CAMK2D: variants seen among roughly 807,000 people sequenced by gnomAD.
CAMK2D encodes the protein calcium/calmodulin dependent protein kinase II delta, also known as calcium/calmodulin-dependent protein kinase type II subunit delta.
A neutral mutation model predicts 84.0 loss-of-function variants in CAMK2D; 37 were observed. The ratio of observed to expected loss-of-function variants is 0.44; its 90% CI spans 0.34 to 0.58. CAMK2D has a LOEUF of 0.58. Among genes scored for constraint, CAMK2D ranks in the 20% least tolerant of loss-of-function variants. The pLI is 0.02. For missense variants in CAMK2D, 448 were observed against 652.5 expected (o/e 0.69, Z 3.41); for synonymous variants, 202 against 212.5 (o/e 0.95, Z 0.43).
chr4:113,753,027 A>G (rs545338430), intron 2 of CAMK2D, among the ~76,000 whole-genome samples: 31 of 152,210 alleles, frequency 2.0e-4, no homozygotes, highest in Non-Finnish European at 4.3e-4. Flanking sequence ...AGTCCTCTCT[A>G]ATAGCAATCA....
In CAMK2D at chr4:113,750,323, G is replaced by A. The variant is rs371293382; in HGVS notation, c.160+8997C>T. 4.6e-5 allele frequency among the ~76,000 whole-genome samples: 7 copies of A among 152,242 alleles called. No individual in the cohort carries two copies. In the South Asian group the frequency reaches 1.0e-3, roughly 23 times the overall value. On this transcript the variant is annotated intron_variant, in intron 2 of 20. Transcript: ENST00000511664. ...GTGTACTCACTCCATCAGGAAGATG[G>A]AGCAGGAACTTTCTCCCTCCCTGTG...
At chr4:113,495,919 A>T (rs1461267159) in intron 16 of CAMK2D, among the ~76,000 whole-genome samples, 1 of 152,194 alleles carries the variant, frequency 6.6e-6, no homozygotes, top group East Asian at 1.9e-4. Context: ...CAGGAGCCCA[A>T]CTTCAACAGG....
intron 4 of CAMK2D, among the ~76,000 whole-genome samples, chr4:113,573,254 T>G (rs1339981307): frequency 6.6e-6 from 1 of 152,186 alleles, no homozygotes; most frequent in Non-Finnish European, 1.5e-5. Flanking sequence ...CACACATACA[T>G]GCACATACAC....
intron 2 of CAMK2D, among the ~76,000 whole-genome samples, chr4:113,670,487 T>G (rs1368984909): frequency 1.3e-5 from 2 of 152,038 alleles, no homozygotes; most frequent in African/African-American, 2.4e-5. Flanking sequence ...CATATAAAAT[T>G]ATTCCAATTA....
chr4:113,696,775 T>C (rs2099404141), intron 2 of CAMK2D, among the ~76,000 whole-genome samples: 1 of 152,134 alleles, frequency 6.6e-6, no homozygotes, highest in South Asian at 2.1e-4. Flanking sequence ...TCTTTCATTC[T>C]TTCCCAGAGG....
chr4:113,559,752 T>A (rs2098689581), intron 4 of CAMK2D, among the ~76,000 whole-genome samples: 1 of 152,230 alleles, frequency 6.6e-6, no homozygotes, highest in African/African-American at 2.4e-5. Context: ...GCTTTGGTCA[T>A]CAGAAAAATG....
At chr4:113,655,983 C>G (rs1462897367) in intron 3 of CAMK2D, among the ~76,000 whole-genome samples, 1 of 152,086 alleles carries the variant, frequency 6.6e-6, no homozygotes, top group Non-Finnish European at 1.5e-5. Flanking sequence ...GCTATCACCT[C>G]AAATATTTTA....
At chr4:113,625,792 G>C (rs1325098524) in intron 3 of CAMK2D, among the ~76,000 whole-genome samples, 6 of 152,066 alleles carry the variant, frequency 3.9e-5, no homozygotes, top group African/African-American at 1.4e-4. Flanking sequence ...GATATGCTCT[G>C]CTTGTTTTAA....
chr4:113,558,496 A>G (rs1260382583), intron 4 of CAMK2D, among the ~76,000 whole-genome samples: 1 of 152,208 alleles, frequency 6.6e-6, no homozygotes, highest in Non-Finnish European at 1.5e-5. Flanking sequence ...ATAGTATTCA[A>G]AAATAAATAA....
chr4:113,690,323 C>T (rs547339315), intron 2 of CAMK2D, among the ~76,000 whole-genome samples: 1 of 152,122 alleles, frequency 6.6e-6, no homozygotes, highest in African/African-American at 2.4e-5. Flanking sequence ...ACTACTCGGA[C>T]CAATAATACA....
chr4:113,619,083 C>T (rs1477452221), intron 3 of CAMK2D, among the ~76,000 whole-genome samples: 1 of 152,118 alleles, frequency 6.6e-6, no homozygotes. Context: ...TGATCGTCCC[C>T]CTAAAACCTG....
chr4:113,583,826 G>A (rs766038805), intron 4 of CAMK2D, among the ~76,000 whole-genome samples: 15 of 151,988 alleles, frequency 9.9e-5, no homozygotes, highest in Non-Finnish European at 1.6e-4. Context: ...CTTTCATGTA[G>A]ATTAACATCA....
In CAMK2D at chr4:113,552,188, C is replaced by G. The variant is rs1341447320; in HGVS notation, c.276-92G>C. 6.0e-6 allele frequency: 4 copies of G among 666,078 alleles called. No individual in the cohort carries two copies. The African/African-American group carries it at 7.4e-5, about 12-fold the overall frequency. 41.3% of individuals were successfully genotyped at this position (666,078 alleles called of 1,614,324 possible). ...CAAATGTGTTCATATAGCTGTTTTT[C>G]TTAGATGATTTAAAAAAAATCAAAA... On this transcript the variant is annotated intron_variant, in intron 4 of 20. Transcript: ENST00000511664.
intron 2 of CAMK2D, among the ~76,000 whole-genome samples, chr4:113,740,343 G>A (rs928125447): frequency 1.3e-5 from 2 of 151,484 alleles, no homozygotes; most frequent in African/African-American, 4.9e-5. Context: ...GCTATACTAT[G>A]GATGCACCTT....
At chr4:113,607,047 A>T (rs1310148203) in intron 4 of CAMK2D, among the ~76,000 whole-genome samples, 4 of 152,140 alleles carry the variant, frequency 2.6e-5, no homozygotes, top group Admixed American at 2.6e-4. Flanking sequence ...ATCATTCAGG[A>T]ATAAAGGGGA....
chr4:113,614,531 G>A (rs769129688), intron 3 of CAMK2D, among the ~76,000 whole-genome samples: 1 of 152,096 alleles, frequency 6.6e-6, no homozygotes, highest in Non-Finnish European at 1.5e-5. Flanking sequence ...GATCAGGTTC[G>A]ATTGGAAGAC....
At chr4:113,709,745 C>CGATA in intron 2 of CAMK2D, among the ~76,000 whole-genome samples, 1 of 24,638 alleles carries the variant, frequency 4.1e-5, no homozygotes, top group African/African-American at 2.5e-4. Flanking sequence ...AAGCCGTGAA[C>CGATA]GATATATATA....
chr4:113,608,388 C>G (rs1014267479), intron 4 of CAMK2D, among the ~76,000 whole-genome samples: 1 of 151,928 alleles, frequency 6.6e-6, no homozygotes, highest in African/African-American at 2.4e-5. Flanking sequence ...AATTATGTAG[C>G]TATTTCTCTA....
chr4:113,454,747 AG>A (rs1249056988), intron 20 of CAMK2D, among the ~76,000 whole-genome samples: 1 of 152,216 alleles, frequency 6.6e-6, no homozygotes, highest in East Asian at 1.9e-4. Context: ...TTTCACACAA[AG>A]CTAAGCTAAA....
Sources: gnomAD v4.1 joint callset for allele counts (sites outside exome capture counted in the v4.1 genomes callset) on GRCh38, gnomAD v4.1.1 for gene constraint, MANE v1.5 for transcripts, NCBI Gene and HGNC (gene_info 2026-07-23, HGNC 2026-07-21) for gene names.